The following GCNT2 variants were observed in gnomAD, a reference collection of about 807,000 sequenced individuals.
GCNT2 encodes the protein N-acetyllactosaminide beta-1,6-N-acetylglucosaminyl-transferase.
Under a neutral mutation model 34.2 loss-of-function variants are expected in GCNT2, and 34 were observed. That is an observed-to-expected ratio of 1.00 (90% CI 0.76 to 1.32). GCNT2 has a LOEUF of 1.32. Ranked by LOEUF, GCNT2 falls within the 40% of genes most tolerant of loss-of-function variation. The probability of loss-of-function intolerance (pLI) is 0.00; values close to 1 mark genes in which losing one functional copy is unlikely to be tolerated. For synonymous variants in GCNT2, 212 were observed against 188.0 expected (o/e 1.13, Z -1.04); for missense variants, 584 against 489.4 (o/e 1.19, Z -1.82).
intron 3 of GCNT2, among the ~76,000 whole-genome samples, chr6:10,577,478 T>C (rs1015597627): frequency 1.3e-5 from 2 of 152,232 alleles, no homozygotes; most frequent in Non-Finnish European, 2.9e-5. Flanking sequence ...GAAGTGCTCA[T>C]GGGCCAAGTT....
At chr6:10,559,930 C>G (rs942757578) in intron 3 of GCNT2, among the ~76,000 whole-genome samples, 2 of 152,250 alleles carry the variant, frequency 1.3e-5, no homozygotes, top group African/African-American at 4.8e-5. Context: ...TTCAAATGCT[C>G]TAGCCCTAGT....
At chr6:10,610,626 A>G (rs760327533) in intron 3 of GCNT2, among the ~76,000 whole-genome samples, 6 of 152,188 alleles carry the variant, frequency 3.9e-5, no homozygotes, top group Non-Finnish European at 8.8e-5. Context: ...ATTAATAAAT[A>G]TAAATTCTCT....
chr6:10,543,058 C>T (rs923709861), intron 3 of GCNT2, among the ~76,000 whole-genome samples: 4 of 151,882 alleles, frequency 2.6e-5, no homozygotes, highest in Non-Finnish European at 4.4e-5. Flanking sequence ...CAGGCATGCG[C>T]CACCACACCC....
intron 3 of GCNT2, among the ~76,000 whole-genome samples, chr6:10,551,114 A>G (rs1027797586): frequency 1.3e-5 from 2 of 152,148 alleles, no homozygotes; most frequent in Non-Finnish European, 2.9e-5. Flanking sequence ...CAAGGCCCCA[A>G]ATGTCAGGAT....
intron 3 of GCNT2, chr6:10,556,713 A>G: frequency 1.2e-6 from 2 of 1,614,238 alleles, no homozygotes; most frequent in Non-Finnish European, 1.7e-6. Flanking sequence ...CCCTTGGCAT[A>G]TATAATGGTC....
At position 10,610,907 on chromosome 6, in the gene GCNT2, G is replaced by A. The variant is rs372844740; in HGVS notation, c.926-10444G>A. ...ATCCATTCAATTCTAAAATTCAGGG[G>A]TTTTCCTCCTTTCTTCATTTCATCT... On this transcript the variant is annotated intron_variant, in intron 3 of 4. Coordinates refer to ENST00000495262, the MANE Select transcript of GCNT2 (RefSeq NM_145649.5). 3.3e-5 allele frequency among the ~76,000 whole-genome samples: 5 copies of A among 152,194 alleles called. No individual in the cohort carries two copies. The East Asian group carries it at 9.6e-4, about 29-fold the overall frequency.
At chr6:10,555,058 G>A (rs1762634701) in intron 3 of GCNT2, among the ~76,000 whole-genome samples, 1 of 152,134 alleles carries the variant, frequency 6.6e-6, no homozygotes, top group African/African-American at 2.4e-5. Context: ...TCCATTCATG[G>A]CAGGGTAGAG....
intron 3 of GCNT2, among the ~76,000 whole-genome samples, chr6:10,618,943 A>G (rs143815539): frequency 1.2e-4 from 19 of 152,358 alleles, no homozygotes; most frequent in African/African-American, 4.6e-4. Flanking sequence ...TGCTGTTTAC[A>G]GGAAAAGCTG....
intron 3 of GCNT2, among the ~76,000 whole-genome samples, chr6:10,575,522 C>T (rs1223834490): frequency 2.0e-5 from 3 of 152,114 alleles, no homozygotes; most frequent in Non-Finnish European, 2.9e-5. Flanking sequence ...CCACCACGCC[C>T]AGCTAATTTT....
rs1301661554 is a variant in GCNT2, at chr6:10,626,849, A to T, written c.*242A>T. The stretch of plus-strand genomic sequence containing the variant: ...TTAGTCTTGCTGTTTCTTGATGCTC[A>T]CCTCTATATTAGTTTATTGTTAGGA... On this transcript the variant is annotated 3_prime_UTR_variant, in exon 5 of 5. Transcript: ENST00000495262. 1.9e-6 allele frequency: 1 copy of T among 532,182 alleles called. No individual in the cohort carries two copies. Among genetic ancestry groups the T allele is most frequent in the Non-Finnish European group, 3.4e-6 (1 of 294,722 alleles). The allele number at this position is 532,182 out of a possible 1,614,324, so 33.0% of individuals were successfully genotyped here.
intron 3 of GCNT2, among the ~76,000 whole-genome samples, chr6:10,569,273 A>ACACACACACACACACACACACAC: frequency 7.2e-6 from 1 of 139,610 alleles, no homozygotes; most frequent in Non-Finnish European, 1.5e-5. Context: ...ACACACACAC[A>ACACACACACACACACACACACAC]CCCCCTAGGT....
chr6:10,618,905 A>G (rs995156046), intron 3 of GCNT2, among the ~76,000 whole-genome samples: 2 of 152,216 alleles, frequency 1.3e-5, no homozygotes, highest in Non-Finnish European at 2.9e-5. Flanking sequence ...CTCTTGCCTT[A>G]TAGAGAGCCC....
chr6:10,526,573 CT>C (rs554726110), intron 1 of GCNT2, among the ~76,000 whole-genome samples: 9 of 149,634 alleles, frequency 6.0e-5, no homozygotes, highest in Non-Finnish European at 7.4e-5. Context: ...TTCCTGCGTT[CT>C]TTTTTTTTTA....
intron 3 of GCNT2, among the ~76,000 whole-genome samples, chr6:10,576,917 TAAC>T (rs561709876): frequency 7.3e-5 from 11 of 150,472 alleles, no homozygotes; most frequent in South Asian, 6.3e-4. Flanking sequence ...CTAAAAATAA[TAAC>T]AATAATAATA....
intron 3 of GCNT2, among the ~76,000 whole-genome samples, chr6:10,589,829 G>T (rs938587342): frequency 1.3e-5 from 2 of 152,086 alleles, no homozygotes; most frequent in African/African-American, 4.8e-5. Context: ...AAGGAAAAAT[G>T]GTCCTTATTT....
chr6:10,527,985 T>C (rs692986), intron 2 of GCNT2, among the ~76,000 whole-genome samples: 14,801 of 152,284 alleles, frequency 0.097, 786 homozygotes, highest in Middle Eastern at 0.15. Context: ...CAGGGTTCTC[T>C]GTCTGCATCC....
At chr6:10,539,746 C>CT (rs1339143493) in intron 3 of GCNT2, among the ~76,000 whole-genome samples, 1 of 152,188 alleles carries the variant, frequency 6.6e-6, no homozygotes, top group Non-Finnish European at 1.5e-5. Context: ...ACAAAACCTT[C>CT]TAACATTTGG....
chr6:10,580,986 A>G (rs1044383289), intron 3 of GCNT2, among the ~76,000 whole-genome samples: 10 of 152,144 alleles, frequency 6.6e-5, no homozygotes, highest in African/African-American at 2.2e-4. Context: ...CCACTTAACA[A>G]TTTTCAGTCT....
At chr6:10,617,743 A>ATTTTTTTTTTT (rs1254996839) in intron 3 of GCNT2, among the ~76,000 whole-genome samples, 39 of 112,790 alleles carry the variant, frequency 3.5e-4, no homozygotes, top group African/African-American at 1.4e-3. Flanking sequence ...CAGAGTCTGC[A>ATTTTTTTTTTT]TTTCTTCTTT....
Sources: allele counts gnomAD v4.1 joint callset (sites outside exome capture counted in the v4.1 genomes callset), GRCh38; gene constraint gnomAD v4.1.1; transcripts MANE v1.5; gene names NCBI Gene and HGNC (gene_info 2026-07-23, HGNC 2026-07-21).